The following RAD51B variants were observed in gnomAD, a reference collection of about 807,000 sequenced individuals.
RAD51B encodes DNA repair protein RAD51 homolog 2.
A neutral mutation model predicts 42.2 loss-of-function variants in RAD51B; 38 were observed. That is an observed-to-expected ratio of 0.90 (90% confidence interval 0.70 to 1.18). The LOEUF (loss-of-function observed/expected upper bound fraction) is 1.18, where lower values mean the gene tolerates loss of function less well. Among genes scored for constraint, RAD51B ranks in the 50% most tolerant of loss-of-function variants. RAD51B has a pLI of 0.00. For synonymous variants in RAD51B, 154 were observed against 145.2 expected (o/e 1.06, Z -0.43); for missense variants, 373 against 400.7 (o/e 0.93, Z 0.59).
At chr14:68,107,832 T>C (rs1452446390) in intron 7 of RAD51B, among the ~76,000 whole-genome samples, 1 of 151,760 alleles carries the variant, frequency 6.6e-6, no homozygotes, top group East Asian at 1.9e-4. Context: ...AAATGTATGA[T>C]CTAAAACTAT....
intron 7 of RAD51B, among the ~76,000 whole-genome samples, chr14:68,268,734 A>C (rs1399418069): frequency 1.3e-5 from 2 of 152,208 alleles, no homozygotes; most frequent in African/African-American, 4.8e-5. Flanking sequence ...CAAATCCTCA[A>C]AGGCACAGAG....
At chr14:68,386,915 A>G (rs2083606438) in intron 8 of RAD51B, among the ~76,000 whole-genome samples, 1 of 152,226 alleles carries the variant, frequency 6.6e-6, no homozygotes, top group African/African-American at 2.4e-5. Context: ...TTGGAATTGA[A>G]ATGAAACTGC....
chr14:68,138,057 G>T (rs1184172958), intron 7 of RAD51B, among the ~76,000 whole-genome samples: 2 of 152,288 alleles, frequency 1.3e-5, no homozygotes, highest in East Asian at 1.9e-4. Context: ...TCCAGCCATA[G>T]TCTGGGCACA....
chr14:68,441,541 CAAAAAAAAA>C (rs67477807), intron 9 of RAD51B, among the ~76,000 whole-genome samples: 1 of 68,034 alleles, frequency 1.5e-5, no homozygotes, highest in Non-Finnish European at 2.6e-5. Flanking sequence ...GACTCCATCT[CAAAAAAAAA>C]AAAAAAAAAA....
At chr14:68,313,059 G>A (rs1013012333) in intron 8 of RAD51B, among the ~76,000 whole-genome samples, 3 of 152,182 alleles carry the variant, frequency 2.0e-5, no homozygotes, top group Non-Finnish European at 2.9e-5. Context: ...AGTTTATGGG[G>A]AAAGGGTACG....
chr14:68,566,130 G>A (rs925365896), intron 10 of RAD51B, among the ~76,000 whole-genome samples: 2 of 152,136 alleles, frequency 1.3e-5, no homozygotes, highest in Non-Finnish European at 2.9e-5. Flanking sequence ...ATCTTTCTCT[G>A]TACCTGCTGA....
intron 10 of RAD51B, among the ~76,000 whole-genome samples, chr14:68,539,609 A>G (rs926312442): frequency 2.6e-5 from 4 of 152,324 alleles, no homozygotes; most frequent in African/African-American, 9.6e-5. Flanking sequence ...TCAGATAGAA[A>G]TAGCAGCAGG....
chr14:68,439,174 ACACACACACACACT>A (rs1380864068), intron 9 of RAD51B, among the ~76,000 whole-genome samples: 4 of 74,746 alleles, frequency 5.4e-5, no homozygotes, highest in Non-Finnish European at 7.9e-5. Flanking sequence ...ACACACACAC[ACACACACACACACT>A]CTCTCACACA....
At chr14:68,478,386 G>A (rs989250229), downstream of RAD51B, among the ~76,000 whole-genome samples, 2 of 152,240 alleles carry the variant, frequency 1.3e-5, no homozygotes, top group Non-Finnish European at 1.5e-5. Context: ...TGAGACTCAT[G>A]CAGTATTTAA....
intron 8 of RAD51B, among the ~76,000 whole-genome samples, chr14:68,395,717 A>C (rs1408754341): frequency 6.6e-6 from 1 of 152,196 alleles, no homozygotes; most frequent in Non-Finnish European, 1.5e-5. Flanking sequence ...GGATTCAGGC[A>C]GAGTGCCCAT....
intron 7 of RAD51B, among the ~76,000 whole-genome samples, chr14:67,971,047 A>G (rs910659618): frequency 1.3e-5 from 2 of 152,120 alleles, no homozygotes; most frequent in Non-Finnish European, 2.9e-5. Context: ...TTTAAACTAT[A>G]TATTTCACTA....
chr14:67,928,414 G>C (rs902542114), intron 7 of RAD51B, among the ~76,000 whole-genome samples: 2 of 152,098 alleles, frequency 1.3e-5, no homozygotes, highest in East Asian at 3.9e-4. Flanking sequence ...CCATGTGTGC[G>C]GTGGCAAAGT....
At chr14:68,482,552 A>G (rs900140213), downstream of RAD51B, among the ~76,000 whole-genome samples, 3 of 152,062 alleles carry the variant, frequency 2.0e-5, no homozygotes, top group African/African-American at 7.2e-5. Context: ...TAGCCTAAAA[A>G]CTGGTCTTGG....
chr14:67,923,818 G>A (rs1305274333), intron 7 of RAD51B, among the ~76,000 whole-genome samples: 2 of 152,184 alleles, frequency 1.3e-5, no homozygotes, highest in Admixed American at 1.3e-4. Flanking sequence ...TTTCCATAGA[G>A]GTTGTACTAG....
At chr14:68,641,422 T>A (rs1892457645) in intron 10 of RAD51B, among the ~76,000 whole-genome samples, 1 of 152,174 alleles carries the variant, frequency 6.6e-6, no homozygotes, top group Non-Finnish European at 1.5e-5. Flanking sequence ...TTCTTCCTTC[T>A]GAATCTGAAC....
intron 7 of RAD51B, among the ~76,000 whole-genome samples, chr14:67,981,429 C>T (rs935421549): frequency 1.3e-5 from 2 of 151,920 alleles, no homozygotes; most frequent in African/African-American, 4.8e-5. Flanking sequence ...AACCATATAC[C>T]CACCGTACTC....
intron 7 of RAD51B, among the ~76,000 whole-genome samples, chr14:67,936,277 T>A (rs1436435201): frequency 6.6e-6 from 1 of 152,190 alleles, no homozygotes; most frequent in East Asian, 1.9e-4. Context: ...CCCAAGCCCT[T>A]GGAAATCTCT....
At chr14:68,012,539 T>C (rs2075702587) in intron 7 of RAD51B, among the ~76,000 whole-genome samples, 1 of 152,150 alleles carries the variant, frequency 6.6e-6, no homozygotes, top group Non-Finnish European at 1.5e-5. Context: ...CTGGTCTATA[T>C]TAGTAGTAAT....
intron 7 of RAD51B, among the ~76,000 whole-genome samples, chr14:68,199,569 A>G (rs1320736668): frequency 6.6e-6 from 1 of 152,222 alleles, no homozygotes; most frequent in African/African-American, 2.4e-5. Flanking sequence ...TCCAGTGAAT[A>G]CCACAAACAG....
Sources: allele counts gnomAD v4.1 joint callset (sites outside exome capture counted in the v4.1 genomes callset), GRCh38; gene constraint gnomAD v4.1.1; transcripts MANE v1.5; gene names NCBI Gene and HGNC (gene_info 2026-07-23, HGNC 2026-07-21).